The following MACROD1 variants were observed in gnomAD, a reference collection of about 807,000 sequenced individuals.
The protein encoded by MACROD1 is mono-ADP ribosylhydrolase 1, also known as ADP-ribose glycohydrolase MACROD1.
Under a neutral mutation model 41.4 loss-of-function variants are expected in MACROD1, and 31 were observed. The ratio of observed to expected loss-of-function variants is 0.75; its 90% CI spans 0.56 to 1.01. The LOEUF (loss-of-function observed/expected upper bound fraction) is 1.01. MACROD1 is among the 50% of genes least tolerant of loss of function. The probability of loss-of-function intolerance (pLI) is 0.00; values close to 1 mark genes in which losing one functional copy is unlikely to be tolerated. For missense variants in MACROD1, 473 were observed against 460.0 expected (o/e 1.03, Z -0.26); for synonymous variants, 252 against 203.4 (o/e 1.24, Z -2.03).
At chr11:64,018,058 G>C (rs1421987729) in intron 3 of MACROD1, among the ~76,000 whole-genome samples, 2 of 152,230 alleles carry the variant, frequency 1.3e-5, no homozygotes, top group African/African-American at 4.8e-5. Flanking sequence ...AGCCTGAGGA[G>C]GGGGTGAGCT....
At position 64,124,164 on chromosome 11, in the gene MACROD1, C is replaced by T. The variant is rs917507158; in HGVS notation, c.517+27075G>A. Among the ~76,000 whole-genome samples the T allele has an allele frequency of 2.0e-5, 3 of 152,356 alleles. No homozygotes were observed. The East Asian group carries it at 5.8e-4, about 29-fold the overall frequency. The stretch of plus-strand genomic sequence containing the variant: ...ACCCATCCTCAGTGTCCAAGAGGCA[C>T]CAAGAAAGTACAGATACATGCCACC... On this transcript the variant is annotated intron_variant, in intron 3 of 10. Coordinates refer to ENST00000255681, the MANE Select transcript of MACROD1 (RefSeq NM_014067.4).
At chr11:64,010,876 G>A (rs1449291931) in intron 4 of MACROD1, among the ~76,000 whole-genome samples, 2 of 145,850 alleles carry the variant, frequency 1.4e-5, no homozygotes, top group Non-Finnish European at 3.0e-5. Flanking sequence ...GTTTGCTGGT[G>A]TATTGTTTGG....
Position 64,116,972 on chromosome 11 carries a change from C to T in MACROD1, c.517+34267G>A, listed in dbSNP as rs759560338. On this transcript the variant is annotated intron_variant, in intron 3 of 10. Coordinates refer to ENST00000255681, the MANE Select transcript of MACROD1 (RefSeq NM_014067.4). ...TGGTGCTGGACGGTAACCTGCTGGC[C>T]AACCAGCGCATCGCCGACGACACCT... 29 of 1,611,938 alleles carry T rather than the reference C, an allele frequency of 1.8e-5. No homozygotes were observed. The East Asian group carries it at 6.5e-4, about 36-fold the overall frequency.
At chr11:64,066,163 G>C (rs946203784) in intron 3 of MACROD1, among the ~76,000 whole-genome samples, 3 of 151,924 alleles carry the variant, frequency 2.0e-5, no homozygotes, top group African/African-American at 4.8e-5. Context: ...TGGGCATGGT[G>C]GTGGGCACCT....
intron 3 of MACROD1, among the ~76,000 whole-genome samples, chr11:64,015,998 A>G (rs1256493315): frequency 6.6e-6 from 1 of 152,152 alleles, no homozygotes; most frequent in Non-Finnish European, 1.5e-5. Flanking sequence ...GCTGGTGTGA[A>G]GGTCAATGGA....
At chr11:64,143,991 C>T (rs1945455087) in intron 3 of MACROD1, among the ~76,000 whole-genome samples, 1 of 152,024 alleles carries the variant, frequency 6.6e-6, no homozygotes, top group Admixed American at 6.6e-5. Context: ...GAGGGAGACA[C>T]CTCCCACCCC....
rs1942756043 is a variant in MACROD1 at position 63,998,696 on chromosome 11, A to G, written c.*31-9T>C. 1 of 1,369,722 alleles carries G rather than the reference A, an allele frequency of 7.3e-7. No individual in the cohort carries two copies. The highest frequency in any genetic ancestry group is 9.4e-7 in the Non-Finnish European group (1 of 1,065,052). 84.8% of individuals were successfully genotyped at this position (1,369,722 alleles called of 1,614,324 possible). A position where few individuals can be genotyped will look rare whatever the true frequency, so the allele number is the denominator to read the frequency against. ...GGGTCCCGAAGGCGGGTCTGAGGGCAGAGCAGAGTCAGAGGTGTCTATGGG... is the reference window on the plus strand; with the variant it reads ...GGGTCCCGAAGGCGGGTCTGAGGGCGGAGCAGAGTCAGAGGTGTCTATGGG... On this transcript the variant is annotated splice_polypyrimidine_tract_variant and intron_variant, in intron 10 of 10. Coordinates refer to ENST00000255681, the MANE Select transcript of MACROD1 (RefSeq NM_014067.4).
At position 63,999,541 on chromosome 11, in the gene MACROD1, G is replaced by A. The variant is rs1045309926; in HGVS notation, c.806C>T (p.Thr269Ile). Residue 269 changes from threonine (T) to isoleucine (I), a missense_variant, in exon 7 of 11, where the codon ACC (threonine) becomes ATC (isoleucine). Coordinates refer to ENST00000255681, the MANE Select transcript of MACROD1 (RefSeq NM_014067.4). Reference protein sequence around the residue: ...LRSVAFPCISTGVFGYPCEAA... With the variant: ...LRSVAFPCISIGVFGYPCEAA... The stretch of plus-strand genomic sequence containing the variant: ...TCTTCCAGACTCACCAAACACGCCG[G>A]TGGAGATGCAGGGGAACGCCTGGGC... 4 of 1,609,704 alleles carry A rather than the reference G, an allele frequency of 2.5e-6. No individual in the cohort carries two copies. Among genetic ancestry groups the A allele is most frequent in the Non-Finnish European group, 3.4e-6 (4 of 1,178,574 alleles).
At chr11:64,069,310 A>G (rs1165356227) in intron 3 of MACROD1, among the ~76,000 whole-genome samples, 1 of 152,174 alleles carries the variant, frequency 6.6e-6, no homozygotes, top group African/African-American at 2.4e-5. Context: ...TGGATGAGGC[A>G]CGGCTGTCAG....
chr11:64,162,389 A>G (rs1433827824), intron 1 of MACROD1, among the ~76,000 whole-genome samples: 3 of 152,020 alleles, frequency 2.0e-5, no homozygotes, highest in Admixed American at 2.0e-4. Context: ...TGTACTTCCA[A>G]CTACTCAGGT....
Position 64,117,575 on chromosome 11 carries a change from C to T in MACROD1, c.517+33664G>A, listed in dbSNP as rs556505398. ...ACCCCATGGCCACGGGTGATGGCGCCAAGACCCTGGCCATCCACGTGAAGG... is the reference window on the plus strand; with the variant it reads ...ACCCCATGGCCACGGGTGATGGCGCTAAGACCCTGGCCATCCACGTGAAGG... On this transcript the variant is annotated intron_variant, in intron 3 of 10. Transcript: ENST00000255681. 9 of 1,610,476 alleles carry T rather than the reference C, an allele frequency of 5.6e-6. No homozygotes were observed. The South Asian group carries it at 7.7e-5, about 14-fold the overall frequency.
chr11:64,066,710 T>A (rs1252230220), intron 3 of MACROD1, among the ~76,000 whole-genome samples: 1 of 151,328 alleles, frequency 6.6e-6, no homozygotes, highest in Non-Finnish European at 1.5e-5. Flanking sequence ...AAGGTGGGAA[T>A]ACGATGAGAG....
At chr11:64,128,898 A>G (rs1945226074) in intron 3 of MACROD1, among the ~76,000 whole-genome samples, 1 of 152,176 alleles carries the variant, frequency 6.6e-6, no homozygotes, top group Non-Finnish European at 1.5e-5. Context: ...GTGAGTCGAT[A>G]AACAGTAAAT....
rs761605987 is a variant in MACROD1, at chr11:64,152,371, G to A, written c.321C>T (p.Asp107=). Residue 107 remains aspartate, a synonymous_variant, in exon 2 of 11, where the codon GAC becomes GAT. Coordinates refer to ENST00000255681, the MANE Select transcript of MACROD1 (RefSeq NM_014067.4). ...EAKSFLKGLS[D]KQREEHYFCK... ...AGAAGTAATGTTCCTCCCGCTGCTTGTCACTCAGGCCCTTCAGAAAGGCTG... is the reference window on the plus strand; with the variant it reads ...AGAAGTAATGTTCCTCCCGCTGCTTATCACTCAGGCCCTTCAGAAAGGCTG... 4.4e-5 allele frequency: 71 copies of A among 1,614,088 alleles called. No homozygotes were observed. The East Asian group carries it at 1.4e-3, about 31-fold the overall frequency.
chr11:64,076,676 C>T (rs1359832154), intron 3 of MACROD1, among the ~76,000 whole-genome samples: 1 of 152,216 alleles, frequency 6.6e-6, no homozygotes, highest in Non-Finnish European at 1.5e-5. Context: ...CCTAAGAACA[C>T]ACAGCTCAGA....
At chr11:64,152,652 G>A (rs1184292865) in intron 1 of MACROD1, among the ~76,000 whole-genome samples, 1 of 152,204 alleles carries the variant, frequency 6.6e-6, no homozygotes, top group Non-Finnish European at 1.5e-5. Context: ...CCTGGGTTGT[G>A]ATGAATTCAG....
chr11:64,001,585 C>T (rs1489427714), intron 4 of MACROD1: 3 of 702,146 alleles, frequency 4.3e-6, no homozygotes, highest in African/African-American at 3.5e-5. Flanking sequence ...AAACCTCATT[C>T]TGCAACTTTA....
At chr11:64,014,916 TG>T (rs1188864767) in intron 4 of MACROD1, among the ~76,000 whole-genome samples, 1 of 151,824 alleles carries the variant, frequency 6.6e-6, no homozygotes, top group East Asian at 1.9e-4. Context: ...CCCTCACAGG[TG>T]GGGAAACTGA....
intron 1 of MACROD1, among the ~76,000 whole-genome samples, chr11:64,157,395 T>C (rs751638594): frequency 3.9e-5 from 6 of 152,122 alleles, no homozygotes; most frequent in Admixed American, 1.3e-4. Context: ...CGCCCGGCCT[T>C]GCCCCATGAA....
Sources: allele counts gnomAD v4.1 joint callset (sites outside exome capture counted in the v4.1 genomes callset), GRCh38; gene constraint gnomAD v4.1.1; transcripts MANE v1.5; gene names NCBI Gene and HGNC (gene_info 2026-07-23, HGNC 2026-07-21).